The following USH2A variants were observed in gnomAD, a reference collection of about 807,000 sequenced individuals.
USH2A encodes usherin.
In USH2A, 443 loss-of-function variants were observed where a neutral mutation model predicts 538.9. The observed-to-expected ratio is 0.82, with a 90% CI of 0.76 to 0.89. The LOEUF (loss-of-function observed/expected upper bound fraction) is 0.89, where lower values mean the gene tolerates loss of function less well. Ranked by LOEUF, USH2A falls within the 40% of genes least tolerant of loss-of-function variation. The pLI is 0.00. For missense variants in USH2A, 6,633 were observed against 6,324.8 expected (o/e 1.05, Z -1.65); for synonymous variants, 2,413 against 2,273.5 (o/e 1.06, Z -1.75).
At position 216,148,033 on chromosome 1, in the gene USH2A, C is replaced by A. The variant is rs548581164; in HGVS notation, c.4627+27219G>T. ...GGGCTGAAGACTGACACTGCCCGATCGCCTCGGAAGCCCCCTAGACCATCA... is the reference window on the plus strand; with the variant it reads ...GGGCTGAAGACTGACACTGCCCGATAGCCTCGGAAGCCCCCTAGACCATCA... On this transcript the variant is annotated intron_variant, in intron 21 of 71. Transcript: ENST00000307340. Among the ~76,000 whole-genome samples the A allele has an allele frequency of 4.2e-3, 628 of 149,380 alleles. 1 individual carries two copies. The highest frequency in any genetic ancestry group is 0.014 in the African/African-American group (568 of 40,414).
intron 3 of USH2A, among the ~76,000 whole-genome samples, chr1:216,365,656 A>T (rs553301257): frequency 6.6e-6 from 1 of 151,638 alleles, no homozygotes; most frequent in Admixed American, 6.6e-5. Flanking sequence ...TAGCCTAATA[A>T]CTGCACATAT....
intron 43 of USH2A, among the ~76,000 whole-genome samples, chr1:215,872,745 G>C (rs1471048174): frequency 1.3e-5 from 2 of 151,976 alleles, no homozygotes; most frequent in African/African-American, 2.4e-5. Context: ...TTGGATCATA[G>C]GGGTGAATCC....
chr1:215,885,997 A>G (rs762391046), intron 41 of USH2A, among the ~76,000 whole-genome samples: 11 of 152,196 alleles, frequency 7.2e-5, no homozygotes, highest in Admixed American at 1.3e-4. Flanking sequence ...AATCGCCATG[A>G]GCCTAGGGAC....
At chr1:215,948,300 T>A (rs1028468370) in intron 37 of USH2A, among the ~76,000 whole-genome samples, 1 of 151,858 alleles carries the variant, frequency 6.6e-6, no homozygotes, top group Admixed American at 6.6e-5. Flanking sequence ...AATTTTTTTT[T>A]ATTATAAATG....
intron 38 of USH2A, among the ~76,000 whole-genome samples, chr1:215,911,709 T>C (rs1449990734): frequency 1.3e-5 from 2 of 152,226 alleles, no homozygotes; most frequent in South Asian, 2.1e-4. Context: ...ATTTCCTTTC[T>C]TTTGGGTGTA....
chr1:215,758,703 C>T lies in USH2A; in HGVS notation c.11281G>A (p.Asp3761Asn), dbSNP rs1326196429. The T allele has an allele frequency of 6.2e-7, 1 of 1,613,946 alleles. No individual in the cohort carries two copies. Among genetic ancestry groups the T allele is most frequent in the Non-Finnish European group, 8.5e-7 (1 of 1,179,948 alleles). Residue 3761 changes from aspartate (D) to asparagine (N), a missense_variant, in exon 58 of 72, where the codon GAT (aspartate) becomes AAT (asparagine). By Grantham distance (23) the Asp-to-Asn change is conservative. Coordinates refer to ENST00000307340, the MANE Select transcript of USH2A (RefSeq NM_206933.4). ...VKTGGGSSAS[D>N]DYIVQTPMST... ...ATAGGTGTTTGAACAATGTAATCAT[C>T]ACTAGCACTGCTGCCACCTCCAGTT...
intron 58 of USH2A, among the ~76,000 whole-genome samples, chr1:215,752,730 A>G (rs1255041783): frequency 3.3e-5 from 5 of 152,114 alleles, no homozygotes; most frequent in African/African-American, 1.2e-4. Context: ...TTATTCTCCC[A>G]TTGCTTTTGG....
At chr1:215,644,343 G>A (rs541530699) in intron 67 of USH2A, among the ~76,000 whole-genome samples, 2 of 152,126 alleles carry the variant, frequency 1.3e-5, no homozygotes, top group Non-Finnish European at 2.9e-5. Flanking sequence ...TCTGGGTGGA[G>A]GGGTATACAC....
chr1:215,898,846 G>C (rs1196346178), intron 40 of USH2A, among the ~76,000 whole-genome samples: 2 of 152,156 alleles, frequency 1.3e-5, no homozygotes, highest in Non-Finnish European at 2.9e-5. Flanking sequence ...CCTCCTAAAA[G>C]GTGGTGAATT....
At chr1:216,026,317 AT>A (rs960117745) in intron 32 of USH2A, among the ~76,000 whole-genome samples, 24 of 152,220 alleles carry the variant, frequency 1.6e-4, no homozygotes, top group African/African-American at 5.8e-4. Context: ...TAATTGATCA[AT>A]TTTTTTACTT....
At chr1:215,668,464 C>G (rs1189484413) in intron 64 of USH2A, among the ~76,000 whole-genome samples, 1 of 152,154 alleles carries the variant, frequency 6.6e-6, no homozygotes, top group Non-Finnish European at 1.5e-5. Context: ...TCTTTGTTTT[C>G]TATCCTTATG....
At chr1:215,945,273 T>C (rs1666730387) in intron 37 of USH2A, among the ~76,000 whole-genome samples, 1 of 152,076 alleles carries the variant, frequency 6.6e-6, no homozygotes, top group African/African-American at 2.4e-5. Context: ...CTCTTTTAAA[T>C]CCCCCAGATG....
intron 60 of USH2A, among the ~76,000 whole-genome samples, chr1:215,738,591 A>AT (rs1182464677): frequency 6.6e-6 from 1 of 152,114 alleles, no homozygotes; most frequent in Non-Finnish European, 1.5e-5. Flanking sequence ...TAGGTCAGAT[A>AT]TTTTTTAATA....
At chr1:216,091,853 A>G (rs12083315) in intron 22 of USH2A, among the ~76,000 whole-genome samples, 5,993 of 152,208 alleles carry the variant, frequency 0.039, 410 homozygotes, top group African/African-American at 0.14. Flanking sequence ...AAAAATAAGC[A>G]TCTCGTTTTT....
chr1:215,630,402 G>A (rs1294037694), intron 70 of USH2A: 4 of 381,722 alleles, frequency 1.0e-5, no homozygotes, highest in African/African-American at 4.4e-5. Flanking sequence ...ACCTGCATAT[G>A]TATATATGTG....
intron 56 of USH2A, among the ~76,000 whole-genome samples, chr1:215,762,171 T>G (rs1327321266): frequency 2.0e-5 from 3 of 152,222 alleles, no homozygotes; most frequent in Admixed American, 2.0e-4. Context: ...CACATTTGTA[T>G]GTGGGTTTCT....
chr1:215,948,425 GATAT>G (rs143122492), intron 37 of USH2A, among the ~76,000 whole-genome samples: 8 of 144,596 alleles, frequency 5.5e-5, no homozygotes, highest in South Asian at 4.4e-4. Flanking sequence ...TATTTGTTCA[GATAT>G]ATATATATAT....
intron 9 of USH2A, among the ~76,000 whole-genome samples, chr1:216,311,588 G>C (rs1020112003): frequency 7.2e-5 from 11 of 152,032 alleles, no homozygotes; most frequent in Non-Finnish European, 8.8e-5. Flanking sequence ...AGAGGGGCGC[G>C]GTGGGGTTGT....
intron 35 of USH2A, among the ~76,000 whole-genome samples, chr1:215,992,629 C>T (rs1024998016): frequency 2.0e-5 from 3 of 152,186 alleles, no homozygotes; most frequent in African/African-American, 7.2e-5. Context: ...CGTTTTGACA[C>T]AATATGTACA....
Sources: gnomAD v4.1 joint callset for allele counts (sites outside exome capture counted in the v4.1 genomes callset) on GRCh38, gnomAD v4.1.1 for gene constraint, MANE v1.5 for transcripts, NCBI Gene and HGNC (gene_info 2026-07-23, HGNC 2026-07-21) for gene names.